WWOX: variants seen among roughly 807,000 people sequenced by gnomAD.
WWOX encodes WW domain-containing oxidoreductase.
A neutral mutation model predicts 46.2 loss-of-function variants in WWOX; 69 were observed. The ratio of observed to expected loss-of-function variants is 1.49; its 90% CI spans 1.23 to 1.82. WWOX has a LOEUF of 1.82. WWOX is among the 40% of genes most tolerant of loss of function. WWOX has a pLI of 0.00. For missense variants in WWOX, 919 were observed against 542.6 expected, an observed-to-expected ratio of 1.69 and a Z score of -6.89; for synonymous variants, 359 against 202.6, an observed-to-expected ratio of 1.77 and a Z score of -6.56.
rs190556149 is a variant in WWOX, at chr16:78,491,674, C to G, written c.1056+58922C>G. On this transcript the variant is annotated intron_variant, in intron 8 of 8. Coordinates refer to ENST00000566780, the MANE Select transcript of WWOX (RefSeq NM_016373.4). ...AGTATATAAGAGGGTGCATTGTGTACCTGTGGGAGTGATTACAGAATCCCA... is the reference window on the plus strand; with the variant it reads ...AGTATATAAGAGGGTGCATTGTGTAGCTGTGGGAGTGATTACAGAATCCCA... 9.2e-5 allele frequency among the ~76,000 whole-genome samples: 14 copies of G among 152,174 alleles called. No homozygotes were observed. In the East Asian group the frequency reaches 2.3e-3, roughly 25 times the overall value.
chr16:78,667,742 C>G (rs1229894888), intron 8 of WWOX, among the ~76,000 whole-genome samples: 3 of 151,416 alleles, frequency 2.0e-5, no homozygotes, highest in African/African-American at 7.3e-5. Flanking sequence ...CATTACTCTG[C>G]TCATTGTTCA....
intron 8 of WWOX, among the ~76,000 whole-genome samples, chr16:78,993,213 AGTTT>A (rs536359613): frequency 1.4e-5 from 2 of 147,092 alleles, no homozygotes; most frequent in African/African-American, 4.9e-5. Context: ...AAGGGAAATC[AGTTT>A]GTTTGCAGTA....
chr16:78,297,074 C>T (rs946934987), intron 5 of WWOX, among the ~76,000 whole-genome samples: 2 of 152,072 alleles, frequency 1.3e-5, no homozygotes, highest in Non-Finnish European at 2.9e-5. Flanking sequence ...TGGAAAAGAG[C>T]ACAAGTTTCT....
chr16:78,188,463 G>C (rs144027594), intron 5 of WWOX, among the ~76,000 whole-genome samples: 2 of 149,376 alleles, frequency 1.3e-5, no homozygotes, highest in African/African-American at 5.0e-5. Flanking sequence ...ACTCCAGCCT[G>C]GGTGACAGAG....
At chr16:78,132,603 T>C (rs2033642496) in intron 4 of WWOX, among the ~76,000 whole-genome samples, 6 of 152,230 alleles carry the variant, frequency 3.9e-5, no homozygotes, top group Admixed American at 3.9e-4. Context: ...GCAGTTTATG[T>C]ACTCTTGAGA....
intron 8 of WWOX, among the ~76,000 whole-genome samples, chr16:78,887,302 A>T (rs112433292): frequency 6.6e-6 from 1 of 152,078 alleles, no homozygotes; most frequent in East Asian, 1.9e-4. Flanking sequence ...CTGACTCTCT[A>T]TGCAGCCCAA....
chr16:78,589,990 T>A (rs1355531102), intron 8 of WWOX, among the ~76,000 whole-genome samples: 2 of 152,178 alleles, frequency 1.3e-5, no homozygotes, highest in Non-Finnish European at 2.9e-5. Context: ...AAGGCTATGG[T>A]CACTCAACAA....
chr16:78,277,029 C>G (rs1384802145), intron 5 of WWOX, among the ~76,000 whole-genome samples: 1 of 152,186 alleles, frequency 6.6e-6, no homozygotes, highest in Non-Finnish European at 1.5e-5. Context: ...GAAACTTACT[C>G]TAGTTCATTT....
At position 78,261,772 on chromosome 16, in the gene WWOX, GTATCTATCTATCT is replaced by G. The variant is rs1567464548; in HGVS notation, c.516+97484_516+97496del. On this transcript the variant is annotated intron_variant, in intron 5 of 8. Coordinates refer to ENST00000566780, the MANE Select transcript of WWOX (RefSeq NM_016373.4). ...TGTGTCTGTCTATCTATCTATCTAT[GTATCTATCTATCT>G]ATCTATATATATATATATATATATA... Among the ~76,000 whole-genome samples, 439 of 129,942 alleles carry G rather than the reference GTATCTATCTATCT, an allele frequency of 3.4e-3. 8 individuals are homozygous for G. Among genetic ancestry groups the G allele is most frequent in the Middle Eastern group, 0.012 (3 of 260 alleles). The allele number at this position is 129,942 out of a possible 152,430, so 85.2% of individuals were successfully genotyped here. A position where few individuals can be genotyped will look rare whatever the true frequency, so the allele number is the denominator to read the frequency against.
intron 8 of WWOX, among the ~76,000 whole-genome samples, chr16:79,000,935 G>C (rs980962459): frequency 2.6e-5 from 4 of 152,150 alleles, no homozygotes; most frequent in Admixed American, 1.3e-4. Flanking sequence ...CCCACTGGAC[G>C]TGGGCAGGAA....
chr16:78,831,617 C>A (rs544632092), intron 8 of WWOX, among the ~76,000 whole-genome samples: 1 of 152,180 alleles, frequency 6.6e-6, no homozygotes, highest in Non-Finnish European at 1.5e-5. Flanking sequence ...GTGGGTCACT[C>A]AGTCTTTCTT....
intron 5 of WWOX, among the ~76,000 whole-genome samples, chr16:78,217,440 A>G (rs2036757986): frequency 6.6e-6 from 1 of 152,222 alleles, no homozygotes; most frequent in Non-Finnish European, 1.5e-5. Context: ...CAGAACAAAA[A>G]TCGAGGGTGC....
At chr16:79,024,578 C>T (rs2047599653) in intron 8 of WWOX, among the ~76,000 whole-genome samples, 1 of 152,090 alleles carries the variant, frequency 6.6e-6, no homozygotes, top group South Asian at 2.1e-4. Context: ...GGACTACAGG[C>T]ACCCACCACC....
chr16:78,933,380 G>T (rs1167292488), intron 8 of WWOX, among the ~76,000 whole-genome samples: 12 of 152,212 alleles, frequency 7.9e-5, no homozygotes, highest in Admixed American at 7.9e-4. Flanking sequence ...CTGAGGTTAT[G>T]TTGAGCCAAG....
At chr16:78,825,381 C>T (rs1302963644) in intron 8 of WWOX, 1 of 260,570 alleles carries the variant, frequency 3.8e-6, no homozygotes, top group East Asian at 9.3e-5. Flanking sequence ...AAAGACGCTT[C>T]TCTGAAGCTC....
At chr16:78,354,965 A>C (rs1051326226) in intron 5 of WWOX, among the ~76,000 whole-genome samples, 8 of 151,994 alleles carry the variant, frequency 5.3e-5, no homozygotes, top group Non-Finnish European at 8.8e-5. Flanking sequence ...AGCTCTGTCT[A>C]TCCTAAAAAT....
chr16:78,719,566 T>C (rs1013672578), intron 8 of WWOX, among the ~76,000 whole-genome samples: 2 of 152,210 alleles, frequency 1.3e-5, no homozygotes, highest in Admixed American at 6.5e-5. Context: ...AGGGGGACTT[T>C]AAGGTTACCT....
chr16:78,934,150 G>A (rs34328652), intron 8 of WWOX, among the ~76,000 whole-genome samples: 46,020 of 151,294 alleles, frequency 0.3, 7,094 homozygotes, highest in East Asian at 0.4. Flanking sequence ...CCTGGCTAAC[G>A]TGGTGAAACC....
chr16:78,599,077 A>C (rs1267427601), intron 8 of WWOX, among the ~76,000 whole-genome samples: 1 of 152,114 alleles, frequency 6.6e-6, no homozygotes, highest in African/African-American at 2.4e-5. Context: ...TCATGTCAGG[A>C]AGGTGTCCGA....
Sources: allele counts gnomAD v4.1 joint callset (sites outside exome capture counted in the v4.1 genomes callset), GRCh38; gene constraint gnomAD v4.1.1; transcripts MANE v1.5; gene names NCBI Gene and HGNC (gene_info 2026-07-23, HGNC 2026-07-21).